MMP16: variants seen among roughly 807,000 people sequenced by gnomAD.
MMP16 encodes matrix metalloproteinase-16.
Under a neutral mutation model 67.8 loss-of-function variants are expected in MMP16, and 12 were observed. The ratio of observed to expected loss-of-function variants is 0.18; its 90% CI spans 0.11 to 0.29. The LOEUF (loss-of-function observed/expected upper bound fraction) is 0.29, where lower values mean the gene tolerates loss of function less well. Ranked by LOEUF, MMP16 falls within the 10% of genes least tolerant of loss-of-function variation. The probability of loss-of-function intolerance (pLI) is 1.00; values close to 1 mark genes in which losing one functional copy is unlikely to be tolerated. For missense variants in MMP16, 475 were observed against 765.7 expected (o/e 0.62, Z 4.48); for synonymous variants, 249 against 255.9 (o/e 0.97, Z 0.26).
chr8:88,189,155 T>C (rs1809125844), intron 2 of MMP16, among the ~76,000 whole-genome samples: 1 of 152,132 alleles, frequency 6.6e-6, no homozygotes, highest in South Asian at 2.1e-4. Context: ...CTAAGATATA[T>C]AAAAGAAAGT....
chr8:88,044,813 G>A lies in MMP16; in HGVS notation c.1489+1856C>T, dbSNP rs917631569. ...ACTCTTACACGTTTATTAGTAAGAAGTTGCTATTTAACACATGTGGATAAA... is the reference window on the plus strand; with the variant it reads ...ACTCTTACACGTTTATTAGTAAGAAATTGCTATTTAACACATGTGGATAAA... On this transcript the variant is annotated intron_variant, in intron 9 of 9. Coordinates refer to ENST00000286614, the MANE Select transcript of MMP16 (RefSeq NM_005941.5). Among the ~76,000 whole-genome samples, 33 of 152,190 alleles carry A rather than the reference G, an allele frequency of 2.2e-4. 1 individual carries two copies. Among genetic ancestry groups the A allele is most frequent in the African/African-American group, 7.7e-4 (32 of 41,444 alleles).
intron 1 of MMP16, among the ~76,000 whole-genome samples, chr8:88,308,675 T>C (rs1212023031): frequency 6.6e-6 from 1 of 152,060 alleles, no homozygotes; most frequent in Non-Finnish European, 1.5e-5. Flanking sequence ...CAAAGATTCA[T>C]GCACATAAAA....
intron 1 of MMP16, among the ~76,000 whole-genome samples, chr8:88,244,399 T>C (rs1031328717): frequency 1.3e-5 from 2 of 152,184 alleles, no homozygotes; most frequent in African/African-American, 4.8e-5. Context: ...ACTCTGGCAA[T>C]GAAATACTGA....
At chr8:88,066,921 A>G (rs962395647) in intron 7 of MMP16, among the ~76,000 whole-genome samples, 1 of 152,128 alleles carries the variant, frequency 6.6e-6, no homozygotes, top group Non-Finnish European at 1.5e-5. Context: ...GATAAAGAAT[A>G]TAAAATAACA....
chr8:88,092,492 T>C (rs1402459832), intron 6 of MMP16, among the ~76,000 whole-genome samples: 8 of 151,854 alleles, frequency 5.3e-5, no homozygotes. Context: ...CAAGTACTTA[T>C]GTATATTTAT....
chr8:88,064,054 G>A (rs1808433832), intron 7 of MMP16, among the ~76,000 whole-genome samples: 1 of 152,120 alleles, frequency 6.6e-6, no homozygotes, highest in South Asian at 2.1e-4. Context: ...AGGACCACTA[G>A]CTGCCACCTG....
rs147480090 is a variant in MMP16, at chr8:88,240,674, T to G, written c.133-43368A>C. Among the ~76,000 whole-genome samples the G allele has an allele frequency of 1.3e-3, 205 of 152,306 alleles. 1 individual carries two copies. Among genetic ancestry groups the G allele is most frequent in the African/African-American group, 4.7e-3 (196 of 41,580 alleles). ...CGACCAAGTCTAGAGAACCACTCAT[T>G]AGGCAACAACAGTGATCTGGAAATT... is the stretch of plus-strand genomic sequence containing the variant. On this transcript the variant is annotated intron_variant, in intron 1 of 9. Transcript: ENST00000286614.
At chr8:88,048,684 T>G (rs1284768860) in intron 8 of MMP16, among the ~76,000 whole-genome samples, 1 of 152,174 alleles carries the variant, frequency 6.6e-6, no homozygotes, top group African/African-American at 2.4e-5. Flanking sequence ...CAAGTTTATT[T>G]TGATGCCACC....
intron 6 of MMP16, among the ~76,000 whole-genome samples, chr8:88,080,728 G>T (rs887400619): frequency 6.6e-6 from 1 of 152,108 alleles, no homozygotes; most frequent in Non-Finnish European, 1.5e-5. Flanking sequence ...GAGCCACCGC[G>T]CCTGGCCATG....
At chr8:88,215,086 T>G (rs2129828338) in intron 1 of MMP16, among the ~76,000 whole-genome samples, 1 of 152,266 alleles carries the variant, frequency 6.6e-6, no homozygotes, top group African/African-American at 2.4e-5. Context: ...TCCCAGCACT[T>G]TGGGAGGCCA....
chr8:88,295,846 A>AT (rs1811004636), intron 1 of MMP16, among the ~76,000 whole-genome samples: 1 of 152,156 alleles, frequency 6.6e-6, no homozygotes, highest in Non-Finnish European at 1.5e-5. Context: ...TACAAGACAT[A>AT]TTTTTATGTG....
intron 1 of MMP16, among the ~76,000 whole-genome samples, chr8:88,277,549 C>T (rs1162006135): frequency 1.3e-5 from 2 of 152,108 alleles, no homozygotes; most frequent in Non-Finnish European, 2.9e-5. Flanking sequence ...ACTGTGCTGC[C>T]GGCAGCTGTA....
At chr8:88,217,964 G>A (rs906026150) in intron 1 of MMP16, among the ~76,000 whole-genome samples, 9 of 151,940 alleles carry the variant, frequency 5.9e-5, no homozygotes, top group Non-Finnish European at 7.4e-5. Context: ...TCTTTAGTAT[G>A]CATGACAAAG....
In MMP16 at chr8:88,041,664, C is replaced by T; in HGVS notation, c.1621G>A (p.Glu541Lys). The part of the protein sequence containing the change: ...GCDGPTDRVK[E>K]GHSPPDDVDI... ...ACATCATCTGGTGGGCTGTGTCCTT[C>T]TTTAACTCTGTCTGTTGGTCCATCA... The change falls in exon 10 of 10, where the codon GAA (glutamate) becomes AAA (lysine). Residue 541 changes from glutamate (E) to lysine (K), a missense_variant. By Grantham distance (56) the Glu-to-Lys change is moderately conservative (BLOSUM62 1). This residue lies in a region of MMP16 where 80 missense variants were observed against 93.4 expected (regional missense o/e 0.86). Transcript: ENST00000286614. This position sits in a 1 kb window ranked among gnomAD's most constrained non-coding sequence, Gnocchi z 6.0. The T allele has an allele frequency of 6.2e-7, 1 of 1,614,092 alleles. No homozygotes were observed. The highest frequency in any genetic ancestry group is 2.2e-5 in the East Asian group (1 of 44,870).
At chr8:88,218,058 C>A (rs1010541213) in intron 1 of MMP16, among the ~76,000 whole-genome samples, 1 of 151,898 alleles carries the variant, frequency 6.6e-6, no homozygotes, top group Non-Finnish European at 1.5e-5. Context: ...CTATATTAGG[C>A]AAAAGATCTT....
At chr8:88,045,908 A>G (rs1808193825) in intron 9 of MMP16, among the ~76,000 whole-genome samples, 2 of 151,970 alleles carry the variant, frequency 1.3e-5, no homozygotes, top group African/African-American at 4.8e-5. Context: ...TGAGGTAAAT[A>G]TTTTTCTCTG....
At chr8:88,142,711 A>G (rs1232064673) in intron 4 of MMP16, among the ~76,000 whole-genome samples, 2 of 152,086 alleles carry the variant, frequency 1.3e-5, no homozygotes, top group African/African-American at 2.4e-5. Context: ...ATTTATTTTA[A>G]TATTTATTAT....
intron 3 of MMP16, among the ~76,000 whole-genome samples, chr8:88,182,701 C>T (rs1180503172): frequency 6.6e-6 from 1 of 152,124 alleles, no homozygotes; most frequent in Non-Finnish European, 1.5e-5. Context: ...CAATGACACT[C>T]CTTGATATTT....
intron 3 of MMP16, among the ~76,000 whole-genome samples, chr8:88,183,633 C>T (rs1809018291): frequency 1.3e-5 from 2 of 151,212 alleles, no homozygotes; most frequent in Admixed American, 1.3e-4. Flanking sequence ...TTTTACCAAC[C>T]TTTTATATGT....
Sources: gnomAD v4.1 joint callset for allele counts (sites outside exome capture counted in the v4.1 genomes callset) on GRCh38, gnomAD v4.1.1 for gene constraint, gnomAD v4.1.1 regional missense constraint, Gnocchi (gnomAD v3.1) non-coding constraint, MANE v1.5 for transcripts, NCBI Gene and HGNC (gene_info 2026-07-23, HGNC 2026-07-21) for gene names.